TWSG1: variants seen among roughly 807,000 people sequenced by gnomAD.
TWSG1 encodes the protein twisted gastrulation BMP signaling modulator 1.
Under a neutral mutation model 23.0 loss-of-function variants are expected in TWSG1, and 15 were observed. The observed-to-expected ratio is 0.65, with a 90% confidence interval of 0.44 to 1.00. TWSG1 has a LOEUF of 1.00. Ranked by LOEUF, TWSG1 falls within the 50% of genes least tolerant of loss-of-function variation. The pLI is 0.00. For synonymous variants in TWSG1, 86 were observed against 92.8 expected (o/e 0.93, Z 0.42); for missense variants, 242 against 278.7 (o/e 0.87, Z 0.94).
intron 3 of TWSG1, among the ~76,000 whole-genome samples, chr18:9,376,080 A>G (rs7244942): frequency 6.6e-6 from 1 of 151,870 alleles, no homozygotes; most frequent in Non-Finnish European, 1.5e-5. Flanking sequence ...ATGCCCAGCT[A>G]ATTTTTTTGT....
intron 3 of TWSG1, among the ~76,000 whole-genome samples, chr18:9,373,184 G>A (rs1055901568): frequency 1.3e-5 from 2 of 152,026 alleles, no homozygotes; most frequent in African/African-American, 4.8e-5. Flanking sequence ...GTGATAAAGG[G>A]GTCAATTCTC....
chr18:9,378,079 A>G (rs1462331134), intron 3 of TWSG1, among the ~76,000 whole-genome samples: 1 of 152,276 alleles, frequency 6.6e-6, no homozygotes, highest in Non-Finnish European at 1.5e-5. Context: ...GAATTTCATT[A>G]AAATTAAAAA....
Position 9,400,984 on chromosome 18 carries a change from C to G in TWSG1, c.*1457C>G, listed in dbSNP as rs377635629. The G allele has an allele frequency of 5.9e-5, 9 of 152,158 alleles. No individual in the cohort carries two copies. In the East Asian group the frequency reaches 1.3e-3, roughly 23 times the overall value. 9.4% of individuals were successfully genotyped at this position (152,158 alleles called of 1,614,324 possible). On this transcript the variant is annotated 3_prime_UTR_variant, in exon 5 of 5. Transcript: ENST00000262120. ...TTTTAGTATATAAAAATAGATAATG[C>G]TCTTGGACACATTTTGTATTATTCA...
At chr18:9,395,918 G>C (rs933340583) in intron 3 of TWSG1, among the ~76,000 whole-genome samples, 1 of 152,104 alleles carries the variant, frequency 6.6e-6, no homozygotes, top group Non-Finnish European at 1.5e-5. Flanking sequence ...AGCCCCTTCA[G>C]TTGTCCTCCT....
At chr18:9,374,876 A>G (rs550180860) in intron 3 of TWSG1, among the ~76,000 whole-genome samples, 12 of 152,290 alleles carry the variant, frequency 7.9e-5, no homozygotes, top group African/African-American at 1.2e-4. Context: ...AAATCAAGCA[A>G]TGTGGGCTGG....
At chr18:9,359,341 A>T (rs916457250) in intron 2 of TWSG1, among the ~76,000 whole-genome samples, 2 of 152,186 alleles carry the variant, frequency 1.3e-5, no homozygotes, top group East Asian at 3.8e-4. Flanking sequence ...CTCAGAAGTG[A>T]CATAATCTCA....
At chr18:9,341,784 C>T (rs908056469) in intron 2 of TWSG1, among the ~76,000 whole-genome samples, 1 of 151,336 alleles carries the variant, frequency 6.6e-6, no homozygotes, top group Admixed American at 6.6e-5. Context: ...ATAGTCCTTT[C>T]CTTTTAAAGT....
At chr18:9,351,989 C>A (rs1423592563) in intron 2 of TWSG1, among the ~76,000 whole-genome samples, 1 of 152,080 alleles carries the variant, frequency 6.6e-6, no homozygotes, top group East Asian at 1.9e-4. Context: ...TTTTGACAAA[C>A]ATGTACTCAT....
intron 3 of TWSG1, among the ~76,000 whole-genome samples, chr18:9,368,684 A>G (rs960546350): frequency 2.0e-5 from 3 of 152,302 alleles, no homozygotes; most frequent in African/African-American, 7.2e-5. Flanking sequence ...ACGGCGGCTC[A>G]TGCCTGTAAT....
chr18:9,341,620 T>C (rs1471750060), intron 2 of TWSG1, among the ~76,000 whole-genome samples: 1 of 152,172 alleles, frequency 6.6e-6, no homozygotes, highest in Non-Finnish European at 1.5e-5. Flanking sequence ...CATCATGTCA[T>C]CCTTCCCACT....
intron 3 of TWSG1, among the ~76,000 whole-genome samples, chr18:9,387,521 T>G (rs952207718): frequency 6.6e-6 from 1 of 152,020 alleles, no homozygotes; most frequent in African/African-American, 2.4e-5. Context: ...TCCCAGCACT[T>G]TGGGAGTCCG....
At position 9,352,283 on chromosome 18, in the gene TWSG1, A is replaced by G. The variant is rs373476837; in HGVS notation, c.124-7689A>G. Among the ~76,000 whole-genome samples the G allele has an allele frequency of 2.2e-4, 34 of 152,258 alleles. No individual in the cohort carries two copies. The South Asian group carries it at 3.5e-3, about 16-fold the overall frequency. Reference sequence around the variant, plus strand: ...GGTAGTTCTTTCCTTTTTATTGATGAGTAGGATTCCTTTGTGTGGATGTAC... The same window carrying G: ...GGTAGTTCTTTCCTTTTTATTGATGGGTAGGATTCCTTTGTGTGGATGTAC... On this transcript the variant is annotated intron_variant, in intron 2 of 4. Coordinates refer to ENST00000262120, the MANE Select transcript of TWSG1 (RefSeq NM_020648.6).
chr18:9,382,120 T>A (rs2145625274), intron 3 of TWSG1, among the ~76,000 whole-genome samples: 1 of 150,778 alleles, frequency 6.6e-6, no homozygotes, highest in East Asian at 1.9e-4. Context: ...AGCACTTACA[T>A]GAACCATACA....
At chr18:9,349,016 C>A (rs557245306) in intron 2 of TWSG1, among the ~76,000 whole-genome samples, 11 of 152,146 alleles carry the variant, frequency 7.2e-5, no homozygotes, top group African/African-American at 2.4e-4. Flanking sequence ...TAAAGGTGGT[C>A]CCTATATAAA....
intron 3 of TWSG1, among the ~76,000 whole-genome samples, chr18:9,365,639 T>G (rs2040575157): frequency 6.6e-6 from 1 of 151,566 alleles, no homozygotes; most frequent in Non-Finnish European, 1.5e-5. Context: ...TCTGAGTCAC[T>G]GCAGTCCAGC....
At chr18:9,338,111 T>A (rs2040430853) in intron 2 of TWSG1, among the ~76,000 whole-genome samples, 1 of 152,200 alleles carries the variant, frequency 6.6e-6, no homozygotes, top group African/African-American at 2.4e-5. Context: ...CCACACACAT[T>A]AGCATTCTAT....
intron 3 of TWSG1, among the ~76,000 whole-genome samples, chr18:9,371,795 A>G (rs1008566416): frequency 1.4e-4 from 19 of 138,684 alleles, no homozygotes; most frequent in African/African-American, 4.8e-4. Context: ...TTTTTGAGAC[A>G]GAGTCTCGCA....
At chr18:9,375,268 G>A (rs1486777381) in intron 3 of TWSG1, among the ~76,000 whole-genome samples, 1 of 148,680 alleles carries the variant, frequency 6.7e-6, no homozygotes, top group Non-Finnish European at 1.5e-5. Flanking sequence ...TGCAGAAAAA[G>A]CATTTAATAA....
chr18:9,391,795 G>A (rs2040714460), intron 3 of TWSG1, among the ~76,000 whole-genome samples: 1 of 152,148 alleles, frequency 6.6e-6, no homozygotes, highest in Non-Finnish European at 1.5e-5. Flanking sequence ...CTCAACCTTG[G>A]GTTTCAGAAC....
Sources: allele counts gnomAD v4.1 joint callset (sites outside exome capture counted in the v4.1 genomes callset), GRCh38; gene constraint gnomAD v4.1.1; transcripts MANE v1.5; gene names NCBI Gene and HGNC (gene_info 2026-07-23, HGNC 2026-07-21).